The following NEDD9 variants were observed in gnomAD, a reference collection of about 807,000 sequenced individuals.
NEDD9 encodes the protein neural precursor cell expressed, developmentally down-regulated 9, also known as enhancer of filamentation 1.
Under a neutral mutation model 76.6 loss-of-function variants are expected in NEDD9, and 26 were observed. The observed-to-expected ratio is 0.34, with a 90% CI of 0.25 to 0.47. The LOEUF (loss-of-function observed/expected upper bound fraction) is 0.47, where lower values mean the gene tolerates loss of function less well. NEDD9 is among the 20% of genes least tolerant of loss of function. The pLI is 1.00. For synonymous variants in NEDD9, 392 were observed against 414.2 expected (o/e 0.95, Z 0.65); for missense variants, 937 against 1,058.5 (o/e 0.89, Z 1.59).
At chr6:11,278,766 G>T (rs1301659381) in intron 3 of NEDD9, among the ~76,000 whole-genome samples, 1 of 152,160 alleles carries the variant, frequency 6.6e-6, no homozygotes, top group South Asian at 2.1e-4. Context: ...CAATTCTGGA[G>T]ATGGGACCCA....
chr6:11,315,894 G>A (rs1466113989), intron 2 of NEDD9, among the ~76,000 whole-genome samples: 1 of 152,186 alleles, frequency 6.6e-6, no homozygotes, highest in African/African-American at 2.4e-5. Flanking sequence ...CCAAACTACT[G>A]CCAACCACCT....
intron 1 of NEDD9, among the ~76,000 whole-genome samples, chr6:11,365,078 C>T (rs1026655086): frequency 2.0e-4 from 30 of 152,046 alleles, no homozygotes; most frequent in Non-Finnish European, 3.2e-4. Context: ...CTCATGATGG[C>T]GACTATGTTT....
At chr6:11,375,473 A>G (rs1187395774) in intron 1 of NEDD9, among the ~76,000 whole-genome samples, 2 of 152,238 alleles carry the variant, frequency 1.3e-5, no homozygotes, top group Non-Finnish European at 2.9e-5. Context: ...GGTAGGTGAT[A>G]TAATTTGGAT....
intron 3 of NEDD9, among the ~76,000 whole-genome samples, chr6:11,268,914 G>T (rs148331841): frequency 6.6e-6 from 1 of 152,312 alleles, no homozygotes; most frequent in East Asian, 1.9e-4. Flanking sequence ...TTACTTCTCT[G>T]TAAGAAATTT....
At chr6:11,209,489 C>T (rs1581957747) in intron 2 of NEDD9, among the ~76,000 whole-genome samples, 1 of 152,130 alleles carries the variant, frequency 6.6e-6, no homozygotes, top group Non-Finnish European at 1.5e-5. Flanking sequence ...CTTGTACCTT[C>T]GGTGTGTCGT....
At chr6:11,364,975 A>G (rs184953175) in intron 1 of NEDD9, among the ~76,000 whole-genome samples, 1 of 152,182 alleles carries the variant, frequency 6.6e-6, no homozygotes, top group African/African-American at 2.4e-5. Flanking sequence ...CACCGGGGTA[A>G]GAGCGGTGAG....
rs777585440 is a variant in NEDD9 at position 11,261,050 on chromosome 6, T to G, written c.12+44942A>C. The stretch of plus-strand genomic sequence containing the variant: ...TTTAATGACTATAAAAACGAAGCCA[T>G]TTTGGAAAGTAAGCTCACATGTGGC... On this transcript the variant is annotated intron_variant, in intron 3 of 3. Transcript: ENST00000397378. 8.4e-4 allele frequency among the ~76,000 whole-genome samples: 128 copies of G among 152,256 alleles called. 1 individual carries two copies. The highest frequency in any genetic ancestry group is 1.3e-3 in the Non-Finnish European group (86 of 68,016).
chr6:11,311,169 T>C lies in NEDD9; in HGVS notation c.-152-5014A>G, dbSNP rs117415700. Among the ~76,000 whole-genome samples the C allele has an allele frequency of 4.0e-3, 611 of 152,236 alleles. 5 individuals carry two copies. In the East Asian group the frequency reaches 0.052, roughly 13 times the overall value. Reference sequence around the variant, plus strand: ...ATCCAGGCAGGGCAGGAGGATTGAATTGTGTACCCCCAAATTCATATGTTA... The same window carrying C: ...ATCCAGGCAGGGCAGGAGGATTGAACTGTGTACCCCCAAATTCATATGTTA... On this transcript the variant is annotated intron_variant, in intron 2 of 3. Transcript: ENST00000397378.
intron 1 of NEDD9, among the ~76,000 whole-genome samples, chr6:11,337,260 C>T (rs1013398156): frequency 1.3e-5 from 2 of 152,102 alleles, no homozygotes; most frequent in African/African-American, 2.4e-5. Flanking sequence ...TTCTGGAATA[C>T]TTCCTGAAGG....
chr6:11,316,261 A>C (rs1761557415), intron 2 of NEDD9, among the ~76,000 whole-genome samples: 1 of 152,210 alleles, frequency 6.6e-6, no homozygotes, highest in Non-Finnish European at 1.5e-5. Flanking sequence ...GCCCCACCCA[A>C]GTAAGTTCAC....
intron 1 of NEDD9, among the ~76,000 whole-genome samples, chr6:11,356,726 C>T (rs1484601912): frequency 5.8e-5 from 8 of 138,800 alleles, no homozygotes; most frequent in Non-Finnish European, 7.7e-5. Flanking sequence ...CATCATAACC[C>T]ACCCCCCCCA....
intron 1 of NEDD9, among the ~76,000 whole-genome samples, chr6:11,353,085 GGCTCTTTCTGGGTGAACATCCTCT>G (rs1417316485): frequency 3.9e-5 from 6 of 152,238 alleles, no homozygotes; most frequent in African/African-American, 1.4e-4. Context: ...CGGGGTCCCA[GGCTCTTTCTGGGTGAACATCCTCT>G]GAGAACATCA....
chr6:11,238,929 G>A (rs1759658485), intron 3 of NEDD9, among the ~76,000 whole-genome samples: 1 of 152,314 alleles, frequency 6.6e-6, no homozygotes, highest in Middle Eastern at 3.4e-3. Flanking sequence ...GTTGGCCAAG[G>A]CAGGAGGATT....
chr6:11,245,186 A>T (rs1285722187), intron 3 of NEDD9, among the ~76,000 whole-genome samples: 1 of 152,122 alleles, frequency 6.6e-6, no homozygotes, highest in Non-Finnish European at 1.5e-5. Context: ...GACCAAAAGG[A>T]GCATTTTCTG....
intron 2 of NEDD9, among the ~76,000 whole-genome samples, chr6:11,313,600 A>C (rs888191148): frequency 4.0e-5 from 6 of 150,984 alleles, no homozygotes; most frequent in African/African-American, 1.5e-4. Flanking sequence ...GGGTGAATGG[A>C]AGGATGGATG....
chr6:11,217,893 G>C (rs1486640730), intron 1 of NEDD9, among the ~76,000 whole-genome samples: 1 of 152,188 alleles, frequency 6.6e-6, no homozygotes, highest in East Asian at 1.9e-4. Context: ...CCTTGAAACT[G>C]TCTTCTTCTG....
chr6:11,325,544 T>C (rs11755688), intron 2 of NEDD9, among the ~76,000 whole-genome samples: 64,586 of 152,010 alleles, frequency 0.42, 14,437 homozygotes, highest in East Asian at 0.73. Context: ...TAAAGATGAA[T>C]GGTAAGATTC....
chr6:11,340,316 G>A (rs1762247381), intron 1 of NEDD9, among the ~76,000 whole-genome samples: 1 of 152,160 alleles, frequency 6.6e-6, no homozygotes, highest in South Asian at 2.1e-4. Flanking sequence ...GTAGATCAAT[G>A]TCAATGTCCA....
chr6:11,377,606 C>T lies in NEDD9; in HGVS notation c.-214+4533G>A, dbSNP rs1256695695. 1.3e-5 allele frequency among the ~76,000 whole-genome samples: 2 copies of T among 152,196 alleles called. 1 individual carries two copies. Among genetic ancestry groups the T allele is most frequent in the Non-Finnish European group, 2.9e-5 (2 of 68,042 alleles). On this transcript the variant is annotated intron_variant, in intron 1 of 3. Transcript: ENST00000397378. ...TACCATCATTGTACCTTGGAAGTAA[C>T]TAACTTGTTTTGACTTTAGAGTCTC...
Sources: gnomAD v4.1 joint callset for allele counts (sites outside exome capture counted in the v4.1 genomes callset) on GRCh38, gnomAD v4.1.1 for gene constraint, MANE v1.5 for transcripts, NCBI Gene and HGNC (gene_info 2026-07-23, HGNC 2026-07-21) for gene names.